PCDHA1: variants seen among roughly 807,000 people sequenced by gnomAD.
The protein encoded by PCDHA1 is protocadherin alpha 1, also known as protocadherin alpha-1.
PCDHA1 carries 42 observed loss-of-function variants against 61.3 expected under a neutral mutation model. The observed-to-expected ratio is 0.69, with a 90% CI of 0.54 to 0.89. The LOEUF (loss-of-function observed/expected upper bound fraction) is 0.89, where lower values mean the gene tolerates loss of function less well. Ranked by LOEUF, PCDHA1 falls within the 40% of genes least tolerant of loss-of-function variation. The pLI is 0.00. For missense variants in PCDHA1, 1,256 were observed against 1,235.3 expected (o/e 1.02, Z -0.25); for synonymous variants, 610 against 553.8 (o/e 1.10, Z -1.43).
rs2150154867 is a variant in PCDHA1, at chr5:140,828,391, G to T, written c.2394+39707G>T. 5 of 1,614,294 alleles carry T rather than the reference G, an allele frequency of 3.1e-6. No individual in the cohort carries two copies. In the South Asian group the frequency reaches 5.5e-5, roughly 18 times the overall value. ...GCGAGGAGCTGTGCGGGCGGAGCGC[G>T]GAGTGCAGCATCCACCTGGAGGTGA... On this transcript the variant is annotated intron_variant, in intron 1 of 3. Coordinates refer to ENST00000504120, the MANE Select transcript of PCDHA1 (RefSeq NM_018900.4).
At chr5:140,853,598 C>T (rs889899754) in intron 1 of PCDHA1, 2 of 986,878 alleles carry the variant, frequency 2.0e-6, no homozygotes, top group Non-Finnish European at 2.4e-6. Context: ...ACTTTGAGAG[C>T]AAAGGGGGTG....
intron 1 of PCDHA1, among the ~76,000 whole-genome samples, chr5:140,898,748 G>A (rs1397892217): frequency 1.1e-4 from 16 of 152,222 alleles, no homozygotes; most frequent in African/African-American, 3.9e-4. Context: ...TAGCTTGATG[G>A]GGATGGCATT....
At chr5:140,852,280 G>T in intron 1 of PCDHA1, 1 of 510,402 alleles carries the variant, frequency 2.0e-6, no homozygotes, top group Non-Finnish European at 2.6e-6. Flanking sequence ...CATGTTTTTT[G>T]TCTTTTTATT....
At chr5:140,870,909 C>T (rs2052531275) in intron 1 of PCDHA1, 1 of 1,613,956 alleles carries the variant, frequency 6.2e-7, no homozygotes, top group East Asian at 2.2e-5. Flanking sequence ...ACTCAGGCTA[C>T]AACGCGTGGC....
intron 1 of PCDHA1, among the ~76,000 whole-genome samples, chr5:140,922,731 T>A (rs59295733): frequency 0.057 from 8,631 of 152,032 alleles, 722 homozygotes; most frequent in African/African-American, 0.19. Flanking sequence ...CTTGACAAGG[T>A]TGAGAAAAAT....
chr5:140,871,499 G>T, intron 1 of PCDHA1: 1 of 1,584,436 alleles, frequency 6.3e-7, no homozygotes, highest in Admixed American at 1.8e-5. Flanking sequence ...GGACAGGTGA[G>T]TTTTCTACAG....
chr5:140,882,739 A>C (rs781997612), intron 1 of PCDHA1: 1 of 1,614,142 alleles, frequency 6.2e-7, no homozygotes, highest in East Asian at 2.2e-5. Flanking sequence ...TAGATGGCGC[A>C]TCCGATGCAG....
intron 1 of PCDHA1, among the ~76,000 whole-genome samples, chr5:140,919,300 C>A (rs547709389): frequency 6.6e-6 from 1 of 152,248 alleles, no homozygotes; most frequent in African/African-American, 2.4e-5. Flanking sequence ...GCTGTTTGTA[C>A]AATATATGTT....
chr5:140,929,414 A>C, intron 1 of PCDHA1: 1 of 1,504,422 alleles, frequency 6.6e-7, no homozygotes. Flanking sequence ...GCCTTTCACA[A>C]CATTTCATCA....
chr5:141,001,492 T>A (rs1190860523), intron 3 of PCDHA1, among the ~76,000 whole-genome samples: 1 of 152,236 alleles, frequency 6.6e-6, no homozygotes, highest in African/African-American at 2.4e-5. Context: ...CTGGAAATGC[T>A]AGCCCAGGTG....
chr5:140,861,396 C>T, intron 1 of PCDHA1: 1 of 455,520 alleles, frequency 2.2e-6, no homozygotes, highest in Non-Finnish European at 4.5e-6. Context: ...GGGTCTGGAG[C>T]TTGTGGAGCT....
chr5:140,942,478 C>T (rs2093304158), intron 1 of PCDHA1, among the ~76,000 whole-genome samples: 1 of 151,408 alleles, frequency 6.6e-6, no homozygotes, highest in African/African-American at 2.4e-5. Flanking sequence ...ATTCAAGCTA[C>T]AACTGAAATA....
In PCDHA1 at chr5:140,786,527, G is replaced by A. The variant is rs782363035; in HGVS notation, c.237G>A (p.Leu79=). The A allele has an allele frequency of 5.6e-6, 9 of 1,614,158 alleles. No individual in the cohort carries two copies. In the East Asian group the frequency reaches 1.6e-4, roughly 28 times the overall value. The change falls in exon 1 of 4, where the codon CTG becomes CTA. Residue 79 remains leucine, a synonymous_variant. Transcript: ENST00000504120. The part of the protein sequence containing the change: ...KTHRDLLEVN[L]QNGILFVNSR... ...ACAGGGACCTTCTGGAGGTAAATCT[G>A]CAGAATGGCATTTTGTTTGTGAATT...
Position 140,787,627 on chromosome 5 carries a change from C to T in PCDHA1, c.1337C>T (p.Ala446Val). ...ACGGCCAGGGTGTCCGTGGAGGTGG[C>T]CGACGTGAATGACAACGCGCCTGCG... Reference protein sequence around the residue: ...WATARVSVEVADVNDNAPAFA... With the variant: ...WATARVSVEVVDVNDNAPAFA... Residue 446 changes from alanine (A) to valine (V), a missense_variant, in exon 1 of 4, where the codon GCC (alanine) becomes GTC (valine). Ala to Val is a moderately conservative substitution (Grantham distance 64). Transcript: ENST00000504120. The T allele has an allele frequency of 6.2e-7, 1 of 1,614,002 alleles. No homozygotes were observed. Among genetic ancestry groups the T allele is most frequent in the Non-Finnish European group, 8.5e-7 (1 of 1,179,970 alleles).
intron 1 of PCDHA1, chr5:140,816,983 G>C (rs1766039498): frequency 6.6e-6 from 1 of 152,006 alleles, no homozygotes; most frequent in Non-Finnish European, 1.5e-5. Context: ...CTAAAATTCA[G>C]GAACTTTGGA....
chr5:140,809,720 T>C (rs2150017686), intron 1 of PCDHA1: 1 of 919,614 alleles, frequency 1.1e-6, no homozygotes, highest in Non-Finnish European at 1.6e-6. Flanking sequence ...TTTGGAATTA[T>C]AGGACATCAG....
chr5:140,857,735 G>A (rs782288464), intron 1 of PCDHA1: 1 of 1,597,334 alleles, frequency 6.3e-7, no homozygotes. Context: ...CAACGCTCCC[G>A]CGCTGCTGGC....
intron 2 of PCDHA1, chr5:140,982,222 A>C: frequency 3.5e-6 from 2 of 569,284 alleles, no homozygotes; most frequent in Non-Finnish European, 2.7e-6. Context: ...CATGGCGTTA[A>C]TAAAAAACAG....
intron 1 of PCDHA1, among the ~76,000 whole-genome samples, chr5:140,910,787 T>G (rs566298433): frequency 2.0e-5 from 3 of 152,196 alleles, no homozygotes; most frequent in Non-Finnish European, 4.4e-5. Flanking sequence ...CAACATTAAA[T>G]GCAGAATCCC....
Sources: allele counts gnomAD v4.1 joint callset (sites outside exome capture counted in the v4.1 genomes callset), GRCh38; gene constraint gnomAD v4.1.1; transcripts MANE v1.5; gene names NCBI Gene and HGNC (gene_info 2026-07-23, HGNC 2026-07-21).